Variants in LVRN observed in about 807,000 individuals in gnomAD.
LVRN encodes aminopeptidase Q.
A neutral mutation model predicts 111.4 loss-of-function variants in LVRN; 99 were observed. The observed-to-expected ratio is 0.89, with a 90% CI of 0.76 to 1.05. The LOEUF (loss-of-function observed/expected upper bound fraction) is 1.05. Among genes scored for constraint, LVRN ranks in the 50% least tolerant of loss-of-function variants. LVRN has a pLI of 0.00. For synonymous variants in LVRN, 488 were observed against 449.5 expected (o/e 1.09, Z -1.08); for missense variants, 1,414 against 1,206.8 (o/e 1.17, Z -2.54).
Position 115,987,802 on chromosome 5 carries a change from T to C in LVRN, c.979-11T>C. 6.2e-7 allele frequency: 1 copy of C among 1,608,386 alleles called. No homozygotes were observed. The highest frequency in any genetic ancestry group is 1.1e-5 in the South Asian group (1 of 89,954). On this transcript the variant is annotated splice_polypyrimidine_tract_variant and intron_variant, in intron 3 of 19. Transcript: ENST00000357872. ...GGTTTTCCTAATCACTGCTTAACTG[T>C]TTTGATTTAGATACGCATCTGGGCC...
chr5:116,010,567 A>C, intron 13 of LVRN, 174 bp from the exon 14 acceptor site: 1 of 704,752 alleles, frequency 1.4e-6, no homozygotes. Context: ...AAGGACTGTC[A>C]ACTTTGCTTG....
intron 18 of LVRN, among the ~76,000 whole-genome samples, 163 bp downstream of exon 18, chr5:116,015,928 C>G (rs903945357): frequency 6.6e-6 from 1 of 152,218 alleles, no homozygotes; most frequent in Non-Finnish European, 1.5e-5. Flanking sequence ...AGTCTCACTA[C>G]AAACTGCCTG....
chr5:116,002,793 A>G (rs1164509847), intron 10 of LVRN, 42 bp from the exon 11 acceptor site: 5 of 1,398,402 alleles, frequency 3.6e-6, no homozygotes, highest in Non-Finnish European at 5.0e-6. Flanking sequence ...GTATGTTTTT[A>G]TGTGTGAAAA....
intron 18 of LVRN, among the ~76,000 whole-genome samples, chr5:116,016,305 C>T (rs144626624): frequency 0.011 from 1,746 of 152,194 alleles, 36 homozygotes; most frequent in African/African-American, 0.039. Context: ...GTTCTTTATA[C>T]ATCTGAATAT....
intron 1 of LVRN, among the ~76,000 whole-genome samples, chr5:115,977,913 G>A (rs1753481493): frequency 6.6e-6 from 1 of 152,068 alleles, no homozygotes; most frequent in East Asian, 1.9e-4. Flanking sequence ...AAGAAAAGAA[G>A]GAACTGAAAG....
In LVRN at chr5:116,007,662, C is replaced by A. The variant is rs541605610; in HGVS notation, c.2093+1695C>A. Among the ~76,000 whole-genome samples, 8 of 152,306 alleles carry A rather than the reference C, an allele frequency of 5.3e-5. No homozygotes were observed. The East Asian group carries it at 1.5e-3, about 29-fold the overall frequency. The stretch of plus-strand genomic sequence containing the variant: ...GTAGGCAAGTGCAGTGTCATATGTA[C>A]TACAGGCATACCTCGTTTTATTGTA... On this transcript the variant is annotated intron_variant, in intron 13 of 19. Coordinates refer to ENST00000357872, the MANE Select transcript of LVRN (RefSeq NM_173800.5).
chr5:115,977,632 G>A (rs371053081), intron 1 of LVRN, among the ~76,000 whole-genome samples: 7 of 152,058 alleles, frequency 4.6e-5, no homozygotes, highest in African/African-American at 9.7e-5. Context: ...TATTTATTAC[G>A]TTATGTACTT....
intron 18 of LVRN, chr5:116,019,833 T>G (rs1476299192): frequency 6.6e-6 from 1 of 152,198 alleles, no homozygotes; most frequent in Non-Finnish European, 1.5e-5. Context: ...ACAAATACCA[T>G]CTCAGGTCCA....
chr5:115,966,146 A>G (rs563626608), intron 1 of LVRN, among the ~76,000 whole-genome samples: 1 of 152,268 alleles, frequency 6.6e-6, no homozygotes, highest in African/African-American at 2.4e-5. Context: ...ATTTGCGCAA[A>G]AACTACCACA....
At chr5:116,020,073 A>C (rs1220847713) in intron 18 of LVRN, 1 of 152,276 alleles carries the variant, frequency 6.6e-6, no homozygotes, top group African/African-American at 2.4e-5. Context: ...ATCTGGAAAT[A>C]CATTTTGGAA....
At chr5:116,008,108 G>A (rs149543841) in intron 13 of LVRN, among the ~76,000 whole-genome samples, 300 of 152,238 alleles carry the variant, frequency 2.0e-3, no homozygotes, top group African/African-American at 4.8e-3. Context: ...TTGGGAGGCC[G>A]AGGCGGGTGG....
rs1753100025 is a variant in LVRN, at chr5:115,962,557, G to A, written c.-61G>A. The A allele has an allele frequency of 6.7e-7, 1 of 1,484,426 alleles. No homozygotes were observed. Among genetic ancestry groups the A allele is most frequent in the African/African-American group, 1.4e-5 (1 of 72,486 alleles). 92.0% of individuals were successfully genotyped at this position (1,484,426 alleles called of 1,614,324 possible). A position where few individuals can be genotyped will look rare whatever the true frequency, so the allele number is the denominator to read the frequency against. On this transcript the variant is annotated 5_prime_UTR_variant, in exon 1 of 20. Transcript: ENST00000357872. Reference sequence around the variant, plus strand: ...GTCGCAGCACTGAACACCCTGGCCGGGGTTTTGACAGCTGCCACAGTCTCT... The same window carrying A: ...GTCGCAGCACTGAACACCCTGGCCGAGGTTTTGACAGCTGCCACAGTCTCT...
chr5:115,962,611 C>A lies in LVRN; in HGVS notation c.-7C>A. On this transcript the variant is annotated 5_prime_UTR_variant, in exon 1 of 20. Transcript: ENST00000357872. ...CTCCAGCCTCGCGCCTGAACCCGGT[C>A]CCTGCCATGGGGCCCCCTTCCAGCT... 1 of 1,589,210 alleles carries A rather than the reference C, an allele frequency of 6.3e-7. No individual in the cohort carries two copies. Among genetic ancestry groups the A allele is most frequent in the Non-Finnish European group, 8.5e-7 (1 of 1,169,812 alleles).
chr5:115,993,861 A>C lies in LVRN; in HGVS notation c.1374+7A>C. The C allele has an allele frequency of 6.7e-7, 1 of 1,499,380 alleles. No individual in the cohort carries two copies. 92.9% of individuals were successfully genotyped at this position (1,499,380 alleles called of 1,614,324 possible). ...TAATCCTAAACTCCCAAGAGTAAGT[A>C]TGTTTACTAAGTTTATTTAACATTT... On this transcript the variant is annotated splice_region_variant and intron_variant, in intron 6 of 19. Transcript: ENST00000357872.
At chr5:115,990,848 G>A (rs1055925211) in intron 4 of LVRN, among the ~76,000 whole-genome samples, 11 of 152,010 alleles carry the variant, frequency 7.2e-5, no homozygotes, top group East Asian at 5.8e-4. Flanking sequence ...CTGAGATTAC[G>A]CGCATAAGCC....
At chr5:116,020,750 C>T (rs1233311514) in intron 18 of LVRN, among the ~76,000 whole-genome samples, 1 of 152,150 alleles carries the variant, frequency 6.6e-6, no homozygotes, top group Non-Finnish European at 1.5e-5. Context: ...CGTGGGCATC[C>T]TTGCCAGAAG....
At chr5:115,968,357 T>A (rs1393085392) in intron 1 of LVRN, among the ~76,000 whole-genome samples, 1 of 152,204 alleles carries the variant, frequency 6.6e-6, no homozygotes, top group East Asian at 1.9e-4. Context: ...TCATGTGATA[T>A]TTTTTCTTCT....
rs546152797 is a variant in LVRN at position 116,008,063 on chromosome 5, C to T, written c.2093+2096C>T. Among the ~76,000 whole-genome samples, 8 of 152,196 alleles carry T rather than the reference C, an allele frequency of 5.3e-5. No individual in the cohort carries two copies. In the South Asian group the frequency reaches 1.0e-3, roughly 20 times the overall value. On this transcript the variant is annotated intron_variant, in intron 13 of 19. Transcript: ENST00000357872. ...GAATCAGTACTATTGAAATTAGGGCCGGGTGTGGTGGCTCATGCCTGTAAT... is the reference window on the plus strand; with the variant it reads ...GAATCAGTACTATTGAAATTAGGGCTGGGTGTGGTGGCTCATGCCTGTAAT...
rs1461695218 is a variant in LVRN, at chr5:116,003,257, G to GC, written c.1915dup (p.Gln639ProfsTer6). 2 of 1,579,014 alleles carry GC rather than the reference G, an allele frequency of 1.3e-6. No homozygotes were observed. The highest frequency in any genetic ancestry group is 1.7e-6 in the Non-Finnish European group (2 of 1,163,976). On this transcript the variant is annotated frameshift_variant, in exon 12 of 20. Coordinates refer to ENST00000357872, the MANE Select transcript of LVRN (RefSeq NM_173800.5). LOFTEE classifies it high-confidence loss of function. ...CCTTTATAGAAGTATTCCCAGAAAT[G>GC]CAAGTTTCAGATTCTGACCATGACT...
Sources: allele counts gnomAD v4.1 joint callset (sites outside exome capture counted in the v4.1 genomes callset), GRCh38; gene constraint gnomAD v4.1.1; transcripts MANE v1.5; gene names NCBI Gene and HGNC (gene_info 2026-07-23, HGNC 2026-07-21).